TLN2: variants seen among roughly 807,000 people sequenced by gnomAD.
The protein encoded by TLN2 is talin 2.
Under a neutral mutation model 294.7 loss-of-function variants are expected in TLN2, and 118 were observed. That is an observed-to-expected ratio of 0.40 (90% CI 0.34 to 0.47). The LOEUF is 0.47. Among genes scored for constraint, TLN2 ranks in the 20% least tolerant of loss-of-function variants. The pLI is 0.84. For synonymous variants in TLN2, 1,431 were observed against 1,304.5 expected (o/e 1.10, Z -2.09); for missense variants, 3,083 against 3,282.2 (o/e 0.94, Z 1.48).
intron 28 of TLN2, among the ~76,000 whole-genome samples, chr15:62,735,265 A>G (rs932682718): frequency 3.3e-5 from 5 of 152,318 alleles, no homozygotes; most frequent in East Asian, 1.9e-4. Context: ...GTGTCCTGGC[A>G]TCTCCAGTCT....
At position 62,763,543 on chromosome 15, in the gene TLN2, A is replaced by T. The variant is rs536751484; in HGVS notation, c.4962-20A>T. 3.8e-6 allele frequency: 6 copies of T among 1,592,960 alleles called. No homozygotes were observed. Among genetic ancestry groups the T allele is most frequent in the Non-Finnish European group, 5.2e-6 (6 of 1,164,754 alleles). On this transcript the variant is annotated intron_variant, in intron 39 of 58. Transcript: ENST00000636159. ...TTGAGCCCCATGGAGCCTGTGTCCA[A>T]CTTGCACTATTCCTTCCAGGGACAA...
At chr15:62,613,943 G>A (rs2048113095) in intron 2 of TLN2, among the ~76,000 whole-genome samples, 1 of 151,982 alleles carries the variant, frequency 6.6e-6, no homozygotes, top group South Asian at 2.1e-4. Flanking sequence ...GGAAACAGAT[G>A]AGTGATTGAC....
At chr15:62,555,098 G>C (rs1256076726) in intron 1 of TLN2, among the ~76,000 whole-genome samples, 1 of 152,076 alleles carries the variant, frequency 6.6e-6, no homozygotes, top group African/African-American at 2.4e-5. Context: ...ACTAGTGCAG[G>C]TATTCAGATA....
chr15:62,463,133 T>C (rs904808202), intron 1 of TLN2, among the ~76,000 whole-genome samples: 1 of 152,224 alleles, frequency 6.6e-6, no homozygotes, highest in African/African-American at 2.4e-5. Flanking sequence ...ATTTTCACCC[T>C]CTAATTTTAT....
intron 44 of TLN2, among the ~76,000 whole-genome samples, chr15:62,783,445 C>A (rs2064357895): frequency 6.6e-6 from 1 of 152,238 alleles, no homozygotes; most frequent in African/African-American, 2.4e-5. Flanking sequence ...GGCACACTCA[C>A]CTGCCAGAGG....
rs367861749 is a variant in TLN2 at position 62,422,355 on chromosome 15, C to T, written c.-238+31670C>T. On this transcript the variant is annotated intron_variant, in intron 1 of 58. Coordinates refer to ENST00000636159, the MANE Select transcript of TLN2 (RefSeq NM_015059.3). ...GCAGATGTCGTGGATGGAGATAAGG[C>T]CCAGGAATGTGAATTTTTAAAACTT... Among the ~76,000 whole-genome samples, 337 of 152,052 alleles carry T rather than the reference C, an allele frequency of 2.2e-3. 1 individual carries two copies. Among genetic ancestry groups the T allele is most frequent in the African/African-American group, 8.0e-3 (330 of 41,474 alleles).
At chr15:62,635,614 A>G (rs2140899763) in intron 3 of TLN2, among the ~76,000 whole-genome samples, 1 of 152,302 alleles carries the variant, frequency 6.6e-6, no homozygotes, top group Middle Eastern at 3.4e-3. Context: ...GGAAGTCTAG[A>G]TTCAGACAGA....
intron 25 of TLN2, 152 bp from the exon 26 acceptor site, chr15:62,722,201 G>C (rs2060190285): frequency 1.2e-6 from 1 of 836,210 alleles, no homozygotes. Context: ...GGCTTGAGGT[G>C]GCAGTTTGGG....
rs912767670 is a variant in TLN2, at chr15:62,437,941, G to T, written c.-238+47256G>T. On this transcript the variant is annotated intron_variant, in intron 1 of 58. Coordinates refer to ENST00000636159, the MANE Select transcript of TLN2 (RefSeq NM_015059.3). ...CAACGGATTGATTTACAGACTTCTG[G>T]GTGTAGGAGGAGCACCACACATCTA... is the stretch of plus-strand genomic sequence containing the variant. 2.5e-4 allele frequency among the ~76,000 whole-genome samples: 38 copies of T among 152,140 alleles called. 1 individual carries two copies. The highest frequency in any genetic ancestry group is 1.6e-3 in the Admixed American group (24 of 15,270).
chr15:62,652,483 T>A (rs1194386265), intron 6 of TLN2, among the ~76,000 whole-genome samples: 2 of 152,230 alleles, frequency 1.3e-5, no homozygotes, highest in Non-Finnish European at 2.9e-5. Context: ...ACAGCCCACA[T>A]GATTATTAGA....
At chr15:62,815,977 G>T (rs973636973) in intron 52 of TLN2, among the ~76,000 whole-genome samples, 3 of 152,062 alleles carry the variant, frequency 2.0e-5, no homozygotes, top group African/African-American at 7.2e-5. Flanking sequence ...AAAAGCCCGG[G>T]GTCATTTCTT....
intron 34 of TLN2, among the ~76,000 whole-genome samples, chr15:62,752,051 A>G (rs990163284): frequency 6.6e-6 from 1 of 152,044 alleles, no homozygotes; most frequent in South Asian, 2.1e-4. Flanking sequence ...AGACTCTACT[A>G]TATTGTCTGT....
chr15:62,820,802 A>G (rs763075638), intron 54 of TLN2, among the ~76,000 whole-genome samples, 192 bp downstream of exon 54: 1 of 152,180 alleles, frequency 6.6e-6, no homozygotes, highest in Non-Finnish European at 1.5e-5. Flanking sequence ...TGAGTCTTTC[A>G]AGTTAACCAC....
intron 54 of TLN2, among the ~76,000 whole-genome samples, chr15:62,821,513 G>A (rs571638892): frequency 6.6e-6 from 1 of 152,340 alleles, no homozygotes; most frequent in African/African-American, 2.4e-5. Context: ...TCTGGGCCCT[G>A]AAACAGAGCA....
At chr15:62,759,231 G>A (rs1037793126) in intron 37 of TLN2, among the ~76,000 whole-genome samples, 1 of 152,230 alleles carries the variant, frequency 6.6e-6, no homozygotes, top group Non-Finnish European at 1.5e-5. Flanking sequence ...GCAGAGTTCA[G>A]AAGTGAAATA....
At chr15:62,509,715 C>A (rs1567043157) in intron 1 of TLN2, among the ~76,000 whole-genome samples, 2 of 152,182 alleles carry the variant, frequency 1.3e-5, no homozygotes. Context: ...CTTGTCAGGT[C>A]ATGGCCATCC....
chr15:62,393,967 G>A (rs2032316930), intron 1 of TLN2, among the ~76,000 whole-genome samples: 2 of 151,830 alleles, frequency 1.3e-5, no homozygotes, highest in South Asian at 4.2e-4. Flanking sequence ...GTAGAGACAG[G>A]GTTTCACCAT....
chr15:62,534,982 C>T (rs1021913168), intron 1 of TLN2, among the ~76,000 whole-genome samples: 1 of 152,232 alleles, frequency 6.6e-6, no homozygotes, highest in Non-Finnish European at 1.5e-5. Flanking sequence ...TCCTGCAGCT[C>T]TGGGCCTTTG....
intron 45 of TLN2, among the ~76,000 whole-genome samples, chr15:62,790,420 G>A (rs2141111707): frequency 6.6e-6 from 1 of 152,316 alleles, no homozygotes; most frequent in Non-Finnish European, 1.5e-5. Flanking sequence ...ACTGTGCTCA[G>A]GATTAAAGAC....
Sources: allele counts gnomAD v4.1 joint callset (sites outside exome capture counted in the v4.1 genomes callset), GRCh38; gene constraint gnomAD v4.1.1; transcripts MANE v1.5; gene names NCBI Gene and HGNC (gene_info 2026-07-23, HGNC 2026-07-21).